GSAP: variants seen among roughly 807,000 people sequenced by gnomAD.
The protein encoded by GSAP is gamma-secretase activating protein, also known as gamma-secretase-activating protein.
In GSAP, 118 loss-of-function variants were observed where a neutral mutation model predicts 131.7. That is an observed-to-expected ratio of 0.90 (90% CI 0.77 to 1.04). The LOEUF (loss-of-function observed/expected upper bound fraction) is 1.04. Among genes scored for constraint, GSAP ranks in the 50% least tolerant of loss-of-function variants. The probability of loss-of-function intolerance (pLI) is 0.00; values close to 1 mark genes in which losing one functional copy is unlikely to be tolerated. For synonymous variants in GSAP, 381 were observed against 363.4 expected (o/e 1.05, Z -0.55); for missense variants, 1,019 against 1,013.2 (o/e 1.01, Z -0.08).
intron 25 of GSAP, 99 bp from the exon 26 acceptor site, chr7:77,320,918 G>A: frequency 1.4e-6 from 1 of 736,056 alleles, no homozygotes; most frequent in African/African-American, 1.8e-5. Context: ...AAGGGTTCAT[G>A]CTAATCATGA....
chr7:77,384,965 G>T (rs1172191994), intron 6 of GSAP, among the ~76,000 whole-genome samples: 1 of 151,714 alleles, frequency 6.6e-6, no homozygotes, highest in Admixed American at 6.6e-5. Context: ...ATTAGTACAA[G>T]TTTTACTTTA....
chr7:77,375,696 T>G (rs562944439), intron 10 of GSAP, among the ~76,000 whole-genome samples: 2 of 152,138 alleles, frequency 1.3e-5, no homozygotes, highest in East Asian at 3.9e-4. Flanking sequence ...ATATAAAAAT[T>G]AGCTGGTCAT....
chr7:77,363,999 T>C (rs1794908806), intron 12 of GSAP, among the ~76,000 whole-genome samples: 1 of 152,186 alleles, frequency 6.6e-6, no homozygotes, highest in African/African-American at 2.4e-5. Context: ...ACTACTTGTT[T>C]ATCCATTCTT....
chr7:77,337,910 G>A (rs1790273155), intron 19 of GSAP, among the ~76,000 whole-genome samples: 1 of 152,074 alleles, frequency 6.6e-6, no homozygotes, highest in African/African-American at 2.4e-5. Flanking sequence ...CAGCACTTTG[G>A]GAGGCTGAGG....
intron 8 of GSAP, chr7:77,380,124 C>T (rs1172817783): frequency 6.2e-6 from 1 of 162,492 alleles, no homozygotes; most frequent in African/African-American, 2.4e-5. Flanking sequence ...TTCAAAAAAG[C>T]AAATCAAATA....
At chr7:77,346,246 G>T (rs1228985234) in intron 19 of GSAP, among the ~76,000 whole-genome samples, 2 of 124,416 alleles carry the variant, frequency 1.6e-5, no homozygotes, top group Non-Finnish European at 3.1e-5. Context: ...CTCCAGCCTG[G>T]GCAACGAGAA....
intron 19 of GSAP, among the ~76,000 whole-genome samples, chr7:77,346,068 G>C (rs953764027): frequency 6.6e-6 from 1 of 151,588 alleles, no homozygotes; most frequent in African/African-American, 2.4e-5. Context: ...TCAGGAGTTC[G>C]AGACCAGCCT....
At chr7:77,400,995 G>A (rs1344836661) in intron 3 of GSAP, among the ~76,000 whole-genome samples, 1 of 149,332 alleles carries the variant, frequency 6.7e-6, no homozygotes, top group East Asian at 2.0e-4. Flanking sequence ...ATAGTGGAGA[G>A]GACAGAACAA....
chr7:77,412,992 C>T (rs987668964), intron 1 of GSAP, among the ~76,000 whole-genome samples: 3 of 152,138 alleles, frequency 2.0e-5, no homozygotes, highest in Non-Finnish European at 2.9e-5. Context: ...TGCCTGTGTG[C>T]ACCAGGTGGT....
intron 3 of GSAP, among the ~76,000 whole-genome samples, chr7:77,400,739 TG>T (rs1373858744): frequency 6.6e-6 from 1 of 152,060 alleles, no homozygotes. Context: ...GATCTCAAAC[TG>T]AATGAGGAAA....
At chr7:77,408,812 A>C (rs1802768960) in intron 1 of GSAP, among the ~76,000 whole-genome samples, 4 of 152,170 alleles carry the variant, frequency 2.6e-5, no homozygotes, top group Non-Finnish European at 4.4e-5. Flanking sequence ...TATTCAGACA[A>C]AACATATGCA....
chr7:77,383,849 AC>A (rs1237400417), intron 6 of GSAP, among the ~76,000 whole-genome samples: 10 of 152,220 alleles, frequency 6.6e-5, no homozygotes, highest in Non-Finnish European at 1.3e-4. Context: ...GTCTCACTAA[AC>A]TTAGGACAAT....
chr7:77,367,317 G>GC (rs1795472546), intron 12 of GSAP, among the ~76,000 whole-genome samples: 1 of 152,156 alleles, frequency 6.6e-6, no homozygotes, highest in African/African-American at 2.4e-5. Context: ...ACCAGCTTTT[G>GC]CCCATTCAGT....
intron 12 of GSAP, among the ~76,000 whole-genome samples, chr7:77,363,328 T>C (rs1794808215): frequency 6.6e-6 from 1 of 152,134 alleles, no homozygotes; most frequent in Non-Finnish European, 1.5e-5. Flanking sequence ...ACATTATCTC[T>C]AGCAGCTGCT....
intron 13 of GSAP, among the ~76,000 whole-genome samples, chr7:77,362,024 C>T (rs963994775): frequency 2.9e-4 from 44 of 152,238 alleles, no homozygotes; most frequent in African/African-American, 9.6e-4. Flanking sequence ...AAATACCTTC[C>T]TTAGGATTGG....
Position 77,311,212 on chromosome 7 carries a change from G to A in GSAP, c.*146C>T. Reference sequence around the variant, plus strand: ...TGATACAGCAGTTCTGTCTGAACGTGTACCAACCTGAAACTCACATGGCTA... The same window carrying A: ...TGATACAGCAGTTCTGTCTGAACGTATACCAACCTGAAACTCACATGGCTA... On this transcript the variant is annotated 3_prime_UTR_variant, in exon 31 of 31. Coordinates refer to ENST00000257626, the MANE Select transcript of GSAP (RefSeq NM_017439.4). 1 of 620,960 alleles carries A rather than the reference G, an allele frequency of 1.6e-6. No homozygotes were observed. Among genetic ancestry groups the A allele is most frequent in the Non-Finnish European group, 2.9e-6 (1 of 345,614 alleles). The allele number at this position is 620,960 out of a possible 1,614,324, so 38.5% of individuals were successfully genotyped here.
At chr7:77,360,664 A>T (rs546542487) in intron 14 of GSAP, among the ~76,000 whole-genome samples, 160 bp downstream of exon 14, 9 of 152,378 alleles carry the variant, frequency 5.9e-5, no homozygotes, top group African/African-American at 2.2e-4. Context: ...GGTGTGTTCC[A>T]GAGAAAATCT....
Position 77,377,280 on chromosome 7 carries a change from T to C in GSAP, c.681+6A>G. 1 of 1,416,116 alleles carries C rather than the reference T, an allele frequency of 7.1e-7. No individual in the cohort carries two copies. Among genetic ancestry groups the C allele is most frequent in the Admixed American group, 2.5e-5 (1 of 40,124 alleles). The allele number at this position is 1,416,116 out of a possible 1,614,324, so 87.7% of individuals were successfully genotyped here. On this transcript the variant is annotated splice_donor_region_variant and intron_variant, in intron 9 of 30. Coordinates refer to ENST00000257626, the MANE Select transcript of GSAP (RefSeq NM_017439.4). ...AAAAGGAGTGCCCGTGAACTAGTTT[T>C]TTTACCTTCAGGTCAATGTAATATA...
chr7:77,377,271 A>T lies in GSAP; in HGVS notation c.681+15T>A, dbSNP rs747660200. 1.7e-5 allele frequency: 24 copies of T among 1,393,722 alleles called. No individual in the cohort carries two copies. In the Middle Eastern group the frequency reaches 1.1e-3, roughly 65 times the overall value. The allele number at this position is 1,393,722 out of a possible 1,614,324, so 86.3% of individuals were successfully genotyped here. A position where few individuals can be genotyped will look rare whatever the true frequency, so the allele number is the denominator to read the frequency against. On this transcript the variant is annotated intron_variant, in intron 9 of 30. Coordinates refer to ENST00000257626, the MANE Select transcript of GSAP (RefSeq NM_017439.4). ...AAAAAAAAAAAAAGGAGTGCCCGTG[A>T]ACTAGTTTTTTTACCTTCAGGTCAA... is the stretch of plus-strand genomic sequence containing the variant.
Sources: allele counts gnomAD v4.1 joint callset (sites outside exome capture counted in the v4.1 genomes callset), GRCh38; gene constraint gnomAD v4.1.1; transcripts MANE v1.5; gene names NCBI Gene and HGNC (gene_info 2026-07-23, HGNC 2026-07-21).